SNX29: variants seen among roughly 807,000 people sequenced by gnomAD.
SNX29 encodes sorting nexin-29.
In SNX29, 78 loss-of-function variants were observed where a neutral mutation model predicts 102.1. The ratio of observed to expected loss-of-function variants is 0.76; its 90% CI spans 0.64 to 0.92. The LOEUF is 0.92. SNX29 is among the 40% of genes least tolerant of loss of function. SNX29 has a pLI of 0.00. For missense variants in SNX29, 1,280 were observed against 1,061.7 expected (o/e 1.21, Z -2.86); for synonymous variants, 580 against 414.5 (o/e 1.40, Z -4.85).
chr16:12,523,421 C>T (rs180745665), intron 19 of SNX29, among the ~76,000 whole-genome samples: 128 of 152,336 alleles, frequency 8.4e-4, no homozygotes, highest in African/African-American at 2.7e-3. Flanking sequence ...GCTTGGTCTT[C>T]GGTCCAGAAG....
intron 18 of SNX29, among the ~76,000 whole-genome samples, chr16:12,414,277 G>A (rs901210586): frequency 6.6e-6 from 1 of 152,160 alleles, no homozygotes; most frequent in Non-Finnish European, 1.5e-5. Flanking sequence ...AGCAGACTGA[G>A]GTAAGAGAAT....
intron 11 of SNX29, among the ~76,000 whole-genome samples, chr16:12,121,375 G>C (rs1426510760): frequency 6.6e-6 from 1 of 152,254 alleles, no homozygotes; most frequent in Non-Finnish European, 1.5e-5. Flanking sequence ...GGAGCCGAGA[G>C]TCCTGCAGAA....
chr16:12,479,956 A>T (rs371843257), intron 19 of SNX29, among the ~76,000 whole-genome samples: 1 of 152,160 alleles, frequency 6.6e-6, no homozygotes, highest in East Asian at 1.9e-4. Context: ...GTGACTTAAC[A>T]TTATCCAGGG....
At chr16:12,311,869 A>G (rs2151138189) in intron 15 of SNX29, among the ~76,000 whole-genome samples, 1 of 152,326 alleles carries the variant, frequency 6.6e-6, no homozygotes, top group South Asian at 2.1e-4. Flanking sequence ...TCATTGGGTT[A>G]AATAAGATAG....
In SNX29 at chr16:12,224,074, G is replaced by C. The variant is rs117186398; in HGVS notation, c.1678+24391G>C. 2.0e-4 allele frequency among the ~76,000 whole-genome samples: 30 copies of C among 152,224 alleles called. No homozygotes were observed. The East Asian group carries it at 5.8e-3, about 29-fold the overall frequency. On this transcript the variant is annotated intron_variant, in intron 14 of 20. Transcript: ENST00000566228. ...TGCCCGTGGTAGCCTTCCTCCCCTA[G>C]CCAGCATGCAGTTGGTATTGCAGAG... is the stretch of plus-strand genomic sequence containing the variant.
rs1358986332 is a variant in SNX29 at position 12,572,605 on chromosome 16, C to T, written c.*3976C>T. On this transcript the variant is annotated 3_prime_UTR_variant, in exon 21 of 21. Transcript: ENST00000566228. ...CTCTGGGCTCCCAGTGAGCCCCCTC[C>T]CCTCCGGCTACCCCCAGAATCCATC... The T allele has an allele frequency of 4.7e-6, 5 of 1,063,720 alleles. No homozygotes were observed. Among genetic ancestry groups the T allele is most frequent in the East Asian group, 1.0e-4 (2 of 19,988 alleles). The allele number at this position is 1,063,720 out of a possible 1,614,324, so 65.9% of individuals were successfully genotyped here.
Position 12,568,633 on chromosome 16 carries a change from C to T in SNX29, c.*4C>T, listed in dbSNP as rs376240516. 1.3e-5 allele frequency: 21 copies of T among 1,601,746 alleles called. No homozygotes were observed. The highest frequency in any genetic ancestry group is 6.7e-5 in the Admixed American group (4 of 59,942). ...GCCCCAGAGCGGTGACCTCTGACCT[C>T]GACAAAACCGCAGCCACGGGCCCTG... On this transcript the variant is annotated 3_prime_UTR_variant, in exon 21 of 21. Transcript: ENST00000566228.
intron 13 of SNX29, among the ~76,000 whole-genome samples, chr16:12,144,046 G>A (rs918332227): frequency 6.6e-6 from 1 of 152,126 alleles, no homozygotes; most frequent in African/African-American, 2.4e-5. Flanking sequence ...AATTCTCATT[G>A]AGCAGGTCTG....
At chr16:12,449,268 G>A (rs1357875567) in intron 18 of SNX29, among the ~76,000 whole-genome samples, 1 of 151,972 alleles carries the variant, frequency 6.6e-6, no homozygotes, top group African/African-American at 2.4e-5. Context: ...GGATGTTGCA[G>A]GGTGAAGATG....
chr16:12,511,537 C>T (rs769851443), intron 19 of SNX29, among the ~76,000 whole-genome samples: 31 of 152,262 alleles, frequency 2.0e-4, no homozygotes, highest in African/African-American at 4.8e-4. Context: ...CCTTCAGCTC[C>T]GTGTGGAGCC....
At chr16:12,201,738 C>T (rs1349581846) in intron 14 of SNX29, among the ~76,000 whole-genome samples, 1 of 152,184 alleles carries the variant, frequency 6.6e-6, no homozygotes, top group East Asian at 1.9e-4. Context: ...TGGACAGCAC[C>T]ACCACCTTTT....
At chr16:12,153,619 G>A (rs578001913) in intron 13 of SNX29, among the ~76,000 whole-genome samples, 104 of 151,358 alleles carry the variant, frequency 6.9e-4, no homozygotes, top group South Asian at 2.3e-3. Flanking sequence ...GATTACAGGC[G>A]TGCACCACCA....
In SNX29 at chr16:12,568,788, A is replaced by T. The variant is rs556552346; in HGVS notation, c.*159A>T. The T allele has an allele frequency of 3.5e-6, 4 of 1,155,476 alleles. No homozygotes were observed. The highest frequency in any genetic ancestry group is 4.8e-6 in the Non-Finnish European group (4 of 840,564). The allele number at this position is 1,155,476 out of a possible 1,614,324, so 71.6% of individuals were successfully genotyped here. A position where few individuals can be genotyped will look rare whatever the true frequency, so the allele number is the denominator to read the frequency against. On this transcript the variant is annotated 3_prime_UTR_variant, in exon 21 of 21. Coordinates refer to ENST00000566228, the MANE Select transcript of SNX29 (RefSeq NM_032167.5). Reference sequence around the variant, plus strand: ...GTTACACAACACCCCGATTAAACTAATCAGTCTTCGAGCCGCATGATACCG... The same window carrying T: ...GTTACACAACACCCCGATTAAACTATTCAGTCTTCGAGCCGCATGATACCG...
chr16:12,233,743 C>G, intron 14 of SNX29, among the ~76,000 whole-genome samples: 1 of 152,072 alleles, frequency 6.6e-6, no homozygotes, highest in Non-Finnish European at 1.5e-5. Flanking sequence ...CACAAAGAAG[C>G]CCATTTTCCT....
At chr16:12,363,180 G>C (rs1597080286) in intron 16 of SNX29, among the ~76,000 whole-genome samples, 1 of 152,358 alleles carries the variant, frequency 6.6e-6, no homozygotes, top group Non-Finnish European at 1.5e-5. Context: ...CGGGTCCCCA[G>C]GGGATACCCC....
At chr16:12,300,329 C>T (rs1393951085) in intron 15 of SNX29, among the ~76,000 whole-genome samples, 3 of 152,204 alleles carry the variant, frequency 2.0e-5, no homozygotes, top group East Asian at 1.9e-4. Flanking sequence ...GAGTTGATCA[C>T]ATTTTCCTTC....
intron 3 of SNX29, among the ~76,000 whole-genome samples, chr16:12,004,268 G>A (rs2056384188): frequency 6.6e-6 from 1 of 151,634 alleles, no homozygotes; most frequent in African/African-American, 2.4e-5. Context: ...CTAAATCCAG[G>A]AGGCAGAGGT....
chr16:12,554,214 T>G (rs2078177080), intron 20 of SNX29, among the ~76,000 whole-genome samples: 2 of 152,250 alleles, frequency 1.3e-5, no homozygotes, highest in Admixed American at 6.5e-5. Context: ...TGAGCATATA[T>G]AGAGCAAAAC....
chr16:12,510,498 C>A (rs773883163), intron 19 of SNX29, among the ~76,000 whole-genome samples: 100 of 152,016 alleles, frequency 6.6e-4, no homozygotes, highest in Non-Finnish European at 1.2e-3. Context: ...CATGGCGAAA[C>A]CCTGTCTCTA....
Sources: allele counts gnomAD v4.1 joint callset (sites outside exome capture counted in the v4.1 genomes callset), GRCh38; gene constraint gnomAD v4.1.1; transcripts MANE v1.5; gene names NCBI Gene and HGNC (gene_info 2026-07-23, HGNC 2026-07-21).